Variants in PDE1B observed in about 807,000 individuals in gnomAD.
PDE1B encodes the protein phosphodiesterase 1B, also known as dual specificity calcium/calmodulin-dependent 3',5'-cyclic nucleotide phosphodiesterase 1B.
PDE1B carries 13 observed loss-of-function variants against 66.7 expected under a neutral mutation model. The observed-to-expected ratio is 0.19, with a 90% confidence interval of 0.13 to 0.31. The LOEUF (loss-of-function observed/expected upper bound fraction) is 0.31. Ranked by LOEUF, PDE1B falls within the 10% of genes least tolerant of loss-of-function variation. PDE1B has a pLI of 1.00. For missense variants in PDE1B, 485 were observed against 682.3 expected, an observed-to-expected ratio of 0.71 and a Z score of 3.22; for synonymous variants, 230 against 253.9, an observed-to-expected ratio of 0.91 and a Z score of 0.90.
At chr12:54,577,540 T>C in intron 15 of PDE1B, 195 bp downstream of exon 15, 2 of 1,550,922 alleles carry the variant, frequency 1.3e-6, no homozygotes, top group Non-Finnish European at 1.7e-6. Context: ...TGTCCCCCAG[T>C]CCCTGCAGGA....
In PDE1B at chr12:54,573,600, C is replaced by T. The variant is rs1421050280; in HGVS notation, c.963-8C>T. 1.9e-6 allele frequency: 3 copies of T among 1,612,926 alleles called. No homozygotes were observed. The highest frequency in any genetic ancestry group is 2.2e-5 in the South Asian group (2 of 91,052). The stretch of plus-strand genomic sequence containing the variant: ...GGACTGATTGCTTCTCTTTTTATGT[C>T]CGCTCAGAGAACTCCGAGCCCTGGT... On this transcript the variant is annotated splice_polypyrimidine_tract_variant and splice_region_variant and intron_variant, in intron 9 of 15. Transcript: ENST00000243052. The surrounding 1 kb of genome is among the most constrained non-coding windows in gnomAD (Gnocchi z 5.2).
rs1465947641 is a variant in PDE1B, at chr12:54,577,255, T to C, written c.1538T>C (p.Leu513Pro). 6.2e-7 allele frequency: 1 copy of C among 1,614,086 alleles called. No homozygotes were observed. Residue 513 changes from leucine (L) to proline (P), a missense_variant, in exon 15 of 16, where the codon CTG becomes CCG. By Grantham distance (98) the Leu-to-Pro change is moderately conservative. Around this residue, in one of 4 missense-constraint regions of PDE1B, gnomAD observed 126 missense variants for 133.8 expected, o/e 0.94. Coordinates refer to ENST00000243052, the MANE Select transcript of PDE1B (RefSeq NM_000924.4). ...GITNQMSIDELSPCEEEAPPS... is the reference protein window; with the variant it reads ...GITNQMSIDEPSPCEEEAPPS... ...ACCAACCAGATGTCCATTGACGAGC[T>C]GTCCCCCTGTGAAGAAGAGGCCCCC...
At chr12:54,562,275 T>C (rs1957431504) in intron 2 of PDE1B, among the ~76,000 whole-genome samples, 1 of 152,174 alleles carries the variant, frequency 6.6e-6, no homozygotes, top group Non-Finnish European at 1.5e-5. Flanking sequence ...TTCTGAGGTG[T>C]TGGGGTTATA....
chr12:54,552,883 T>C (rs939715864), intron 2 of PDE1B, among the ~76,000 whole-genome samples: 3 of 152,166 alleles, frequency 2.0e-5, no homozygotes, highest in Non-Finnish European at 4.4e-5. Flanking sequence ...TCAGAGGGCT[T>C]TAGGGAATGG....
intron 2 of PDE1B, among the ~76,000 whole-genome samples, chr12:54,559,388 G>T (rs1165669610): frequency 1.3e-5 from 2 of 151,964 alleles, no homozygotes; most frequent in African/African-American, 4.8e-5. Flanking sequence ...TACATTTAAG[G>T]GCTAAAGGAA....
Position 54,575,016 on chromosome 12 carries a change from G to T in PDE1B, c.1065-82G>T. On this transcript the variant is annotated intron_variant, in intron 10 of 15. Transcript: ENST00000243052. The surrounding 1 kb of genome is among the most constrained non-coding windows in gnomAD (Gnocchi z 4.0). ...AAAGGAAGAAGTTATGTGATAGGGT[G>T]TGCGTGGGAAGTTAGGGAATGGTCC... The T allele has an allele frequency of 2.2e-5, 23 of 1,064,972 alleles. No individual in the cohort carries two copies. The highest frequency in any genetic ancestry group is 2.7e-5 in the Non-Finnish European group (19 of 710,324). The allele number at this position is 1,064,972 out of a possible 1,614,324, so 66.0% of individuals were successfully genotyped here.
At chr12:54,570,483 C>T in intron 6 of PDE1B, 126 bp downstream of exon 6, 1 of 686,170 alleles carries the variant, frequency 1.5e-6, no homozygotes, top group Non-Finnish European at 2.7e-6. Flanking sequence ...GGGAAGTCTC[C>T]CCATGCCCAC....
chr12:54,555,151 T>A (rs1000299140), intron 2 of PDE1B, among the ~76,000 whole-genome samples: 1 of 152,154 alleles, frequency 6.6e-6, no homozygotes, highest in African/African-American at 2.4e-5. Flanking sequence ...CTCCTTATCA[T>A]TTTTTCCCAA....
chr12:54,568,125 G>A (rs1265012611), intron 3 of PDE1B, among the ~76,000 whole-genome samples: 2 of 152,052 alleles, frequency 1.3e-5, no homozygotes, highest in African/African-American at 4.8e-5. Context: ...CAAAGTCCTG[G>A]GGATTACAGG....
Position 54,549,850 on chromosome 12 carries a change from T to G in PDE1B, c.-13-10T>G, listed in dbSNP as rs772837277. The G allele has an allele frequency of 3.2e-6, 5 of 1,582,930 alleles. No homozygotes were observed. The highest frequency in any genetic ancestry group is 4.3e-6 in the Non-Finnish European group (5 of 1,152,672). On this transcript the variant is annotated splice_polypyrimidine_tract_variant and intron_variant, in intron 1 of 15. Transcript: ENST00000243052. ...GAGCCGAGGTGCTGTCTCCTCCTTCTGTTCCGTAGACCGTGGCTGAGCATG... is the reference window on the plus strand; with the variant it reads ...GAGCCGAGGTGCTGTCTCCTCCTTCGGTTCCGTAGACCGTGGCTGAGCATG...
rs148185581 is a variant in PDE1B, at chr12:54,573,204, T to C, written c.792T>C (p.Asp264=). ...LAIIFAAAIH[D]YEHTGTTNSF... ...TCATCTTTGCTGCAGCTATCCATGA[T>C]TATGAGCACACGGGCACTACCAACA... Residue 264 remains aspartate (D), a synonymous_variant, in exon 8 of 16, where the codon GAT becomes GAC. Coordinates refer to ENST00000243052, the MANE Select transcript of PDE1B (RefSeq NM_000924.4). This position sits in a 1 kb window ranked among gnomAD's most constrained non-coding sequence, Gnocchi z 5.2. The C allele has an allele frequency of 3.0e-5, 48 of 1,614,048 alleles. 1 individual carries two copies. In the African/African-American group the frequency reaches 5.9e-4, roughly 20 times the overall value.
chr12:54,577,198 C>A, intron 14 of PDE1B, 27 bp from the exon 15 acceptor site: 1 of 1,588,412 alleles, frequency 6.3e-7, no homozygotes, highest in South Asian at 1.1e-5. Flanking sequence ...TTGGCCTAAG[C>A]TCAGCCTCCT....
Position 54,573,436 on chromosome 12 carries a change from T to C in PDE1B, c.918T>C (p.Asp306=), listed in dbSNP as rs774486003. 10 of 1,614,150 alleles carry C rather than the reference T, an allele frequency of 6.2e-6. No homozygotes were observed. The highest frequency in any genetic ancestry group is 4.5e-5 in the East Asian group (2 of 44,880). ...GCTCTGTTTTCCGATTGATGCAGGATGATGAGATGAACATTTTCATCAACC... is the reference window on the plus strand; with the variant it reads ...GCTCTGTTTTCCGATTGATGCAGGACGATGAGATGAACATTTTCATCAACC... ...HISSVFRLMQ[D]DEMNIFINLT... The change falls in exon 9 of 16, where the codon GAT becomes GAC. Residue 306 remains aspartate, a synonymous_variant. Coordinates refer to ENST00000243052, the MANE Select transcript of PDE1B (RefSeq NM_000924.4). This position sits in a 1 kb window ranked among gnomAD's most constrained non-coding sequence, Gnocchi z 5.2.
intron 2 of PDE1B, chr12:54,561,597 G>C: frequency 6.5e-7 from 1 of 1,533,190 alleles, no homozygotes; most frequent in Non-Finnish European, 8.7e-7. Context: ...GGCAAACCCT[G>C]TTCCTGTTCA....
rs774757771 is a variant in PDE1B at position 54,549,950 on chromosome 12, C to G, written c.78C>G (p.Ala26=). The G allele has an allele frequency of 1.2e-6, 2 of 1,614,116 alleles. No individual in the cohort carries two copies. The highest frequency in any genetic ancestry group is 2.2e-5 in the South Asian group (2 of 91,076). ...CGTCACCCCTGGAGCTGAAGTCAGC[C>G]CCCAGCAAGAAGATGTGGATTAAGC... ...DCPSPLELKS[A]PSKKMWIKLR... The change falls in exon 2 of 16, where the codon GCC becomes GCG. Residue 26 remains alanine (A), a synonymous_variant. Coordinates refer to ENST00000243052, the MANE Select transcript of PDE1B (RefSeq NM_000924.4).
chr12:54,559,484 G>A (rs1049535102), intron 2 of PDE1B, among the ~76,000 whole-genome samples: 1 of 152,022 alleles, frequency 6.6e-6, no homozygotes, highest in South Asian at 2.1e-4. Flanking sequence ...GTAGAGTGTG[G>A]GGTGTGTGTA....
intron 2 of PDE1B, among the ~76,000 whole-genome samples, chr12:54,554,738 C>T (rs975602229): frequency 2.6e-5 from 4 of 152,136 alleles, no homozygotes; most frequent in African/African-American, 7.2e-5. Context: ...GACTTGAGTT[C>T]GAGTTCACAT....
chr12:54,550,223 CCTGTGG>C, intron 2 of PDE1B: 1 of 1,370,060 alleles, frequency 7.3e-7, no homozygotes, highest in Non-Finnish European at 9.4e-7. Flanking sequence ...TGTGCCTGTG[CCTGTGG>C]ACCCCAGGCT....
At position 54,576,726 on chromosome 12, in the gene PDE1B, G is replaced by A. The variant is rs775721641; in HGVS notation, c.1507+25G>A. On this transcript the variant is annotated intron_variant, in intron 14 of 15. Transcript: ENST00000243052. Reference sequence around the variant, plus strand: ...GGTGGGTACCATGGCAGAGGGCAGGGGTGAGAACTTGTGTGGGTGGATCAT... The same window carrying A: ...GGTGGGTACCATGGCAGAGGGCAGGAGTGAGAACTTGTGTGGGTGGATCAT... 2.5e-6 allele frequency: 4 copies of A among 1,582,676 alleles called. No individual in the cohort carries two copies. In the South Asian group the frequency reaches 4.6e-5, roughly 18 times the overall value.
Sources: gnomAD v4.1 joint callset for allele counts (sites outside exome capture counted in the v4.1 genomes callset) on GRCh38, gnomAD v4.1.1 for gene constraint, gnomAD v4.1.1 regional missense constraint, Gnocchi (gnomAD v3.1) non-coding constraint, MANE v1.5 for transcripts, NCBI Gene and HGNC (gene_info 2026-07-23, HGNC 2026-07-21) for gene names.